COL28A1: variants seen among roughly 807,000 people sequenced by gnomAD.
COL28A1 encodes the protein collagen alpha-1(XXVIII) chain.
In COL28A1, 161 loss-of-function variants were observed where a neutral mutation model predicts 150.2. That is an observed-to-expected ratio of 1.07 (90% CI 0.94 to 1.22). COL28A1 has a LOEUF of 1.22. COL28A1 is among the 50% of genes most tolerant of loss of function. The pLI is 0.00. For missense variants in COL28A1, 1,617 were observed against 1,388.3 expected (o/e 1.16, Z -2.62); for synonymous variants, 552 against 469.7 (o/e 1.18, Z -2.26).
At chr7:7,391,888 G>A (rs181743704) in intron 27 of COL28A1, among the ~76,000 whole-genome samples, 3 of 147,194 alleles carry the variant, frequency 2.0e-5, no homozygotes, top group African/African-American at 7.6e-5. Flanking sequence ...CCTTGCACAT[G>A]AGATGGGTCT....
intron 33 of COL28A1, among the ~76,000 whole-genome samples, chr7:7,362,609 A>G (rs1032684352): frequency 1.7e-5 from 1 of 58,060 alleles, no homozygotes; most frequent in African/African-American, 5.4e-5. Context: ...GACTTAGAGC[A>G]AAGATTTTTC....
At chr7:7,484,503 A>G (rs1326529972) in intron 13 of COL28A1, among the ~76,000 whole-genome samples, 1 of 152,164 alleles carries the variant, frequency 6.6e-6, no homozygotes, top group African/African-American at 2.4e-5. Context: ...GGGTAAATAT[A>G]TGGGTAAAAC....
Position 7,489,432 on chromosome 7 carries a change from G to T in COL28A1, c.1121C>A (p.Pro374Gln). The change falls in exon 13 of 35, where the codon CCG becomes CAG. Residue 374 changes from proline to glutamine, a missense_variant. By Grantham distance (76) the Pro-to-Gln change is moderately conservative. Coordinates refer to ENST00000399429, the MANE Select transcript of COL28A1 (RefSeq NM_001037763.3). ...AACTCCAATGGGTCCTGGAGCTCCCGGTCTTCCTTCTTGGCCTCTTTCTCC... is the reference window on the plus strand; with the variant it reads ...AACTCCAATGGGTCCTGGAGCTCCCTGTCTTCCTTCTTGGCCTCTTTCTCC... The part of the protein sequence containing the change: ...IKGERGQEGR[P>Q]GAPGPIGVGE... 6.9e-7 allele frequency: 1 copy of T among 1,459,846 alleles called. No homozygotes were observed. Among genetic ancestry groups the T allele is most frequent in the Non-Finnish European group, 9.6e-7 (1 of 1,039,162 alleles). 90.4% of individuals were successfully genotyped at this position (1,459,846 alleles called of 1,614,324 possible).
intron 33 of COL28A1, among the ~76,000 whole-genome samples, chr7:7,367,471 G>C (rs1335874552): frequency 6.6e-6 from 1 of 152,120 alleles, no homozygotes; most frequent in African/African-American, 2.4e-5. Context: ...GAGACAAGAG[G>C]CACTATCCGA....
At chr7:7,375,396 C>A in intron 31 of COL28A1, 65 bp downstream of exon 31, 1 of 1,432,098 alleles carries the variant, frequency 7.0e-7, no homozygotes, top group Non-Finnish European at 9.4e-7. Context: ...CACATTCTGT[C>A]ACCAGCACAG....
Position 7,419,897 on chromosome 7 carries a change from G to A in COL28A1, c.2055C>T (p.Thr685=). 1 of 1,598,896 alleles carries A rather than the reference G, an allele frequency of 6.3e-7. No individual in the cohort carries two copies. Among genetic ancestry groups the A allele is most frequent in the Non-Finnish European group, 8.5e-7 (1 of 1,173,432 alleles). The part of the protein sequence containing the change: ...PGPSGPRGVG[T]QGPKGDTGQK... ...GCTGAGGACTCACCTTTGGCCCTTG[G>A]GTTCCTACGCCCCGAGGCCCAGAAG... The change falls in exon 26 of 35, where the codon ACC becomes ACT. Residue 685 remains threonine (T), a synonymous_variant. Transcript: ENST00000399429.
At position 7,358,723 on chromosome 7, in the gene COL28A1, A is replaced by C; in HGVS notation, c.3288T>G (p.Ser1096=). 1.9e-6 allele frequency: 3 copies of C among 1,614,096 alleles called. No individual in the cohort carries two copies. The highest frequency in any genetic ancestry group is 2.5e-6 in the Non-Finnish European group (3 of 1,179,962). Residue 1096 remains serine (S), a synonymous_variant, in exon 35 of 35, where the codon TCT becomes TCG. Coordinates refer to ENST00000399429, the MANE Select transcript of COL28A1 (RefSeq NM_001037763.3). The part of the protein sequence containing the change: ...VRWYYDKQVN[S]CARFWFSGCN... ...AGCCACTGAACCAAAATCGGGCACA[A>C]GAGTTGACCTGTTTGTCATAATACC... is the stretch of plus-strand genomic sequence containing the variant.
chr7:7,440,923 G>A, intron 20 of COL28A1, 62 bp from the exon 21 acceptor site: 2 of 821,660 alleles, frequency 2.4e-6, no homozygotes, highest in South Asian at 1.4e-5. Flanking sequence ...CCCTAATCTA[G>A]CAAGGACCAT....
chr7:7,445,392 C>T (rs185604264), intron 18 of COL28A1, among the ~76,000 whole-genome samples: 1 of 152,200 alleles, frequency 6.6e-6, no homozygotes, highest in Admixed American at 6.5e-5. Flanking sequence ...AGCAATCTCC[C>T]TTACAGGTTT....
chr7:7,401,547 T>C (rs1783208022), intron 27 of COL28A1, among the ~76,000 whole-genome samples: 2 of 152,112 alleles, frequency 1.3e-5, no homozygotes, highest in African/African-American at 2.4e-5. Context: ...AAAATGGAAA[T>C]TTCACCTTTC....
At chr7:7,477,784 G>C (rs544073577) in intron 13 of COL28A1, among the ~76,000 whole-genome samples, 5 of 152,284 alleles carry the variant, frequency 3.3e-5, no homozygotes, top group Admixed American at 1.3e-4. Flanking sequence ...ACGGACCCCA[G>C]CAGGTTGCCT....
rs1283431930 is a variant in COL28A1 at position 7,516,739 on chromosome 7, T to C, written c.856-899A>G. Among the ~76,000 whole-genome samples the C allele has an allele frequency of 2.1e-5, 3 of 146,282 alleles. No individual in the cohort carries two copies. The East Asian group carries it at 5.8e-4, about 28-fold the overall frequency. ...CAAAATTTTGTTCTATGCATGACTT[T>C]TTTATTAATACTATTATCTATTTAT... On this transcript the variant is annotated intron_variant, in intron 7 of 34. Coordinates refer to ENST00000399429, the MANE Select transcript of COL28A1 (RefSeq NM_001037763.3).
chr7:7,426,093 T>C (rs1261698331), intron 25 of COL28A1, among the ~76,000 whole-genome samples: 2 of 152,128 alleles, frequency 1.3e-5, no homozygotes. Flanking sequence ...TTTTTCTACT[T>C]TGGGGACAAT....
chr7:7,433,103 C>G (rs866542677), intron 23 of COL28A1, among the ~76,000 whole-genome samples: 6 of 152,080 alleles, frequency 3.9e-5, no homozygotes, highest in African/African-American at 1.4e-4. Flanking sequence ...GTTTGTGACT[C>G]ATATCTTGAG....
intron 27 of COL28A1, among the ~76,000 whole-genome samples, chr7:7,395,905 G>C (rs1782806261): frequency 6.6e-6 from 1 of 152,180 alleles, no homozygotes; most frequent in Non-Finnish European, 1.5e-5. Context: ...GTGTGTGAAA[G>C]CCTTCTGCTA....
intron 25 of COL28A1, among the ~76,000 whole-genome samples, 181 bp downstream of exon 25, chr7:7,432,291 TA>T (rs1398025390): frequency 6.6e-6 from 1 of 152,144 alleles, no homozygotes; most frequent in African/African-American, 2.4e-5. Context: ...ACCCAAACCA[TA>T]AAGTTAGTCT....
intron 13 of COL28A1, among the ~76,000 whole-genome samples, chr7:7,481,014 T>G (rs537582923): frequency 3.3e-5 from 5 of 152,364 alleles, no homozygotes; most frequent in African/African-American, 1.2e-4. Flanking sequence ...AATAAATATC[T>G]GCCATCATTA....
At chr7:7,402,651 A>G (rs922100039) in intron 27 of COL28A1, among the ~76,000 whole-genome samples, 1 of 152,208 alleles carries the variant, frequency 6.6e-6, no homozygotes, top group East Asian at 1.9e-4. Context: ...CTTATCTTTT[A>G]TAAAGTAAAG....
intron 23 of COL28A1, among the ~76,000 whole-genome samples, chr7:7,436,092 A>G (rs1316618465): frequency 6.6e-6 from 1 of 152,234 alleles, no homozygotes; most frequent in Non-Finnish European, 1.5e-5. Flanking sequence ...TACTTCAGCC[A>G]CTAATATGTA....
Sources: allele counts gnomAD v4.1 joint callset (sites outside exome capture counted in the v4.1 genomes callset), GRCh38; gene constraint gnomAD v4.1.1; transcripts MANE v1.5; gene names NCBI Gene and HGNC (gene_info 2026-07-23, HGNC 2026-07-21).